The following PCDH15 variants were observed in gnomAD, a reference collection of about 807,000 sequenced individuals.
PCDH15 encodes protocadherin related 15, also known as protocadherin-15.
In PCDH15, 129 loss-of-function variants were observed where a neutral mutation model predicts 178.5. That is an observed-to-expected ratio of 0.72 (90% CI 0.63 to 0.84). The LOEUF is 0.84. PCDH15 is among the 40% of genes least tolerant of loss of function. The pLI is 0.00. For missense variants in PCDH15, 2,230 were observed against 2,099.9 expected (o/e 1.06, Z -1.21); for synonymous variants, 800 against 732.0 (o/e 1.09, Z -1.50).
intron 3 of PCDH15, among the ~76,000 whole-genome samples, chr10:54,516,706 A>G (rs1050144507): frequency 7.9e-5 from 12 of 151,748 alleles, no homozygotes; most frequent in African/African-American, 2.9e-4. Context: ...GGAAATACAG[A>G]GAACGCCACA....
At chr10:54,874,048 T>C in intron 3 of PCDH15, among the ~76,000 whole-genome samples, 1 of 117,006 alleles carries the variant, frequency 8.5e-6, no homozygotes, top group African/African-American at 3.3e-5. Flanking sequence ...TGTATACATG[T>C]GCCATACTGG....
chr10:54,189,927 G>A (rs2048829099), intron 11 of PCDH15, among the ~76,000 whole-genome samples: 1 of 69,456 alleles, frequency 1.4e-5, no homozygotes, highest in Non-Finnish European at 3.9e-5. Flanking sequence ...GCATGTGTAT[G>A]TGTGTGTGTG....
At chr10:55,125,738 T>C (rs965452102) in intron 2 of PCDH15, among the ~76,000 whole-genome samples, 3 of 152,042 alleles carry the variant, frequency 2.0e-5, no homozygotes, top group African/African-American at 4.8e-5. Flanking sequence ...AGTTTTTTTG[T>C]TTTGTTTGTA....
At chr10:54,329,525 C>A in intron 7 of PCDH15, 71 bp downstream of exon 7, 3 of 1,124,714 alleles carry the variant, frequency 2.7e-6, no homozygotes, top group Non-Finnish European at 4.1e-6. Flanking sequence ...CCAAGAGTAT[C>A]TGATACATTT....
intron 3 of PCDH15, among the ~76,000 whole-genome samples, chr10:54,395,352 G>GC (rs1951067165): frequency 2.0e-5 from 3 of 149,476 alleles, no homozygotes; most frequent in African/African-American, 7.4e-5. Context: ...CTGACTTCCC[G>GC]CAACATAAAA....
intron 1 of PCDH15, among the ~76,000 whole-genome samples, chr10:55,272,920 T>C (rs1420278342): frequency 6.6e-6 from 1 of 152,094 alleles, no homozygotes; most frequent in African/African-American, 2.4e-5. Flanking sequence ...CGAACATATC[T>C]TTACTGTGTA....
chr10:55,238,066 C>G (rs976433670), intron 1 of PCDH15, among the ~76,000 whole-genome samples: 4 of 151,222 alleles, frequency 2.6e-5, no homozygotes, highest in Non-Finnish European at 4.4e-5. Context: ...AAATTATATA[C>G]GTGATTTTTG....
intron 1 of PCDH15, among the ~76,000 whole-genome samples, chr10:54,769,926 A>G (rs1948906860): frequency 6.6e-6 from 1 of 152,120 alleles, no homozygotes; most frequent in Non-Finnish European, 1.5e-5. Flanking sequence ...ACTGAAAGTA[A>G]AAACTAATAC....
chr10:55,423,487 A>G (rs1199099598), intron 2 of PCDH15, among the ~76,000 whole-genome samples: 1 of 151,858 alleles, frequency 6.6e-6, no homozygotes, highest in Non-Finnish European at 1.5e-5. Flanking sequence ...CCAAAAAAAC[A>G]TACATGTGCA....
intron 2 of PCDH15, among the ~76,000 whole-genome samples, chr10:54,530,320 A>G (rs760000010): frequency 5.9e-5 from 9 of 152,058 alleles, no homozygotes; most frequent in Non-Finnish European, 1.0e-4. Context: ...CTGCCTACGC[A>G]TCACCTCTTC....
At chr10:54,731,496 T>A (rs553748405) in intron 1 of PCDH15, among the ~76,000 whole-genome samples, 82 of 140,990 alleles carry the variant, frequency 5.8e-4, no homozygotes, top group Non-Finnish European at 1.1e-3. Context: ...ATACCCAAAT[T>A]ATGGAATCAA....
chr10:53,859,989 G>A (rs1399532065), intron 27 of PCDH15, among the ~76,000 whole-genome samples: 2 of 152,082 alleles, frequency 1.3e-5, no homozygotes, highest in Non-Finnish European at 2.9e-5. Context: ...TTTCAGAATT[G>A]GCCTGGACAA....
rs72796534 is a variant in PCDH15, at chr10:54,783,291, C to A, written c.-29+17634G>T. On this transcript the variant is annotated intron_variant, in intron 1 of 37. Transcript: ENST00000644397. The stretch of plus-strand genomic sequence containing the variant: ...AAAGATAGGTATCATGAGAAAAAAT[C>A]GAGCAGAAACTCTGGAACTGGAAAA... 9.0e-3 allele frequency among the ~76,000 whole-genome samples: 1,367 copies of A among 151,932 alleles called. 9 individuals are homozygous for A. Among genetic ancestry groups the A allele is most frequent in the Non-Finnish European group, 0.014 (959 of 67,942 alleles).
At position 54,317,397 on chromosome 10, in the gene PCDH15, A is replaced by AGTG. The variant is rs1369026871; in HGVS notation, c.747_749dup (p.Thr250dup). On this transcript the variant is annotated inframe_insertion, in exon 8 of 38. Coordinates refer to ENST00000644397, the MANE Select transcript of PCDH15 (RefSeq NM_001384140.1). ...CTCCATCCAGAACATCCACTGTGAGAGTGGTGGTGGTGGTTCGCCTCTCAT... is the reference window on the plus strand; with the variant it reads ...CTCCATCCAGAACATCCACTGTGAGAGTGGTGGTGGTGGTGGTTCGCCTCTCAT... 2.5e-6 allele frequency: 4 copies of AGTG among 1,613,864 alleles called. No individual in the cohort carries two copies. Among genetic ancestry groups the AGTG allele is most frequent in the Non-Finnish European group, 3.4e-6 (4 of 1,179,872 alleles).
intron 3 of PCDH15, among the ~76,000 whole-genome samples, chr10:54,829,921 G>A (rs1054511802): frequency 3.3e-5 from 5 of 152,006 alleles, no homozygotes; most frequent in East Asian, 1.9e-4. Flanking sequence ...ATATTATTCC[G>A]AATGTGGAGA....
chr10:55,069,248 GT>G (rs80094733), intron 2 of PCDH15, among the ~76,000 whole-genome samples: 26,092 of 129,210 alleles, frequency 0.2, 2,640 homozygotes, highest in African/African-American at 0.31. Context: ...CTGGTATTTT[GT>G]TTTTTTTTTT....
intron 2 of PCDH15, among the ~76,000 whole-genome samples, chr10:55,480,925 T>A (rs1001701108): frequency 1.3e-5 from 2 of 151,864 alleles, no homozygotes; most frequent in Non-Finnish European, 2.9e-5. Context: ...AGGATCTTCT[T>A]AGTACACCTG....
intron 2 of PCDH15, among the ~76,000 whole-genome samples, chr10:54,921,304 ATTATTT>A (rs977760553): frequency 1.1e-4 from 16 of 150,130 alleles, no homozygotes; most frequent in Non-Finnish European, 2.2e-4. Flanking sequence ...ACGAACTTTT[ATTATTT>A]TTATTTTTAT....
chr10:55,375,045 C>T (rs926825877), intron 2 of PCDH15, among the ~76,000 whole-genome samples: 1 of 152,154 alleles, frequency 6.6e-6, no homozygotes, highest in Non-Finnish European at 1.5e-5. Flanking sequence ...TACACAGCTG[C>T]TTCCAGTTCC....
Sources: allele counts gnomAD v4.1 joint callset (sites outside exome capture counted in the v4.1 genomes callset), GRCh38; gene constraint gnomAD v4.1.1; transcripts MANE v1.5; gene names NCBI Gene and HGNC (gene_info 2026-07-23, HGNC 2026-07-21).